SLC24A2: variants seen among roughly 807,000 people sequenced by gnomAD.
The protein encoded by SLC24A2 is solute carrier family 24 member 2.
A neutral mutation model predicts 62.0 loss-of-function variants in SLC24A2; 36 were observed. The observed-to-expected ratio is 0.58, with a 90% CI of 0.44 to 0.77. SLC24A2 has a LOEUF of 0.77. SLC24A2 is among the 30% of genes least tolerant of loss of function. The pLI is 0.00. For synonymous variants in SLC24A2, 358 were observed against 294.0 expected, an observed-to-expected ratio of 1.22 and a Z score of -2.23; for missense variants, 846 against 817.9, an observed-to-expected ratio of 1.03 and a Z score of -0.42.
rs75646581 is a variant in SLC24A2, at chr9:19,783,705, T to C, written c.930+2232A>G. On this transcript the variant is annotated intron_variant, in intron 2 of 10. Coordinates refer to ENST00000341998, the MANE Select transcript of SLC24A2 (RefSeq NM_020344.4). The stretch of plus-strand genomic sequence containing the variant: ...TTCCAGCAATAATTCAAAAGTGAAA[T>C]TGGCAAGTGGTATTTCCTAAAGGAA... Among the ~76,000 whole-genome samples the C allele has an allele frequency of 5.3e-5, 8 of 152,332 alleles. No homozygotes were observed. In the East Asian group the frequency reaches 1.3e-3, roughly 26 times the overall value.
intron 5 of SLC24A2, among the ~76,000 whole-genome samples, chr9:19,596,553 A>T (rs1836707047): frequency 6.6e-6 from 1 of 152,192 alleles, no homozygotes; most frequent in Non-Finnish European, 1.5e-5. Flanking sequence ...ATGTTCTGGG[A>T]CAGTGCCTGG....
intron 2 of SLC24A2, among the ~76,000 whole-genome samples, chr9:19,741,080 G>T (rs2118766016): frequency 6.6e-6 from 1 of 152,256 alleles, no homozygotes; most frequent in Admixed American, 6.5e-5. Context: ...CACCTAGAAT[G>T]CTGTCTCACC....
At chr9:19,568,113 T>C (rs1413267681) in intron 7 of SLC24A2, among the ~76,000 whole-genome samples, 1 of 152,160 alleles carries the variant, frequency 6.6e-6, no homozygotes, top group Non-Finnish European at 1.5e-5. Context: ...TAACGGAACT[T>C]GCTAAAAATA....
chr9:19,815,529 C>T, the SLC24A2 span, among the ~76,000 whole-genome samples: 1 of 151,922 alleles, frequency 6.6e-6, no homozygotes, highest in African/African-American at 2.4e-5. Context: ...CTTTTAAAAC[C>T]CCTTTTAAAT....
the SLC24A2 span, among the ~76,000 whole-genome samples, chr9:20,281,160 G>A: frequency 6.6e-6 from 1 of 152,084 alleles, no homozygotes; most frequent in East Asian, 1.9e-4. Flanking sequence ...GAACTCCTGG[G>A]CTCAAGCGAT....
chr9:20,229,325 A>G, the SLC24A2 span, among the ~76,000 whole-genome samples: 8 of 152,126 alleles, frequency 5.3e-5, no homozygotes, highest in Admixed American at 2.6e-4. Flanking sequence ...TCTTCTCTAT[A>G]TAAGGAAAGT....
At chr9:19,762,523 A>G (rs992387006) in intron 2 of SLC24A2, among the ~76,000 whole-genome samples, 3 of 152,204 alleles carry the variant, frequency 2.0e-5, no homozygotes, top group Non-Finnish European at 2.9e-5. Context: ...AGCTTTCTGC[A>G]TATGGCTAGC....
chr9:19,718,551 T>C (rs1201124617), intron 2 of SLC24A2, among the ~76,000 whole-genome samples: 2 of 150,302 alleles, frequency 1.3e-5, no homozygotes, highest in Non-Finnish European at 3.0e-5. Context: ...GCTCAAGCAA[T>C]TGGCCCGCCT....
At chr9:20,194,692 A>G in the SLC24A2 span, among the ~76,000 whole-genome samples, 1 of 152,152 alleles carries the variant, frequency 6.6e-6, no homozygotes, top group Non-Finnish European at 1.5e-5. Flanking sequence ...CATGTTGTCT[A>G]TCCCTGTCTC....
intron 2 of SLC24A2, among the ~76,000 whole-genome samples, chr9:19,761,055 G>A (rs577494069): frequency 2.0e-5 from 3 of 152,124 alleles, no homozygotes; most frequent in African/African-American, 7.2e-5. Context: ...TTAACTTAAA[G>A]TATAATAAAA....
At chr9:19,881,565 G>A in the SLC24A2 span, among the ~76,000 whole-genome samples, 1 of 152,146 alleles carries the variant, frequency 6.6e-6, no homozygotes. Flanking sequence ...CCCCCACTAT[G>A]ACAGCGCCTT....
chr9:19,546,895 T>G (rs1834605497), intron 8 of SLC24A2, among the ~76,000 whole-genome samples: 1 of 152,170 alleles, frequency 6.6e-6, no homozygotes, highest in African/African-American at 2.4e-5. Flanking sequence ...AGTGCACTGT[T>G]CCTCATGGCA....
At chr9:20,109,873 T>A in the SLC24A2 span, among the ~76,000 whole-genome samples, 1 of 152,158 alleles carries the variant, frequency 6.6e-6, no homozygotes, top group African/African-American at 2.4e-5. Flanking sequence ...TTCAGTCATA[T>A]GGGATGCCAC....
At chr9:20,087,814 A>G in the SLC24A2 span, among the ~76,000 whole-genome samples, 1 of 151,710 alleles carries the variant, frequency 6.6e-6, no homozygotes, top group African/African-American at 2.4e-5. Flanking sequence ...ATTCATCAAG[A>G]AAACAACCCA....
chr9:19,770,959 C>G (rs1222766072), intron 2 of SLC24A2, among the ~76,000 whole-genome samples: 1 of 152,146 alleles, frequency 6.6e-6, no homozygotes, highest in Non-Finnish European at 1.5e-5. Flanking sequence ...CTATTCAACT[C>G]CAGAAGATTC....
At chr9:20,173,445 CA>C in the SLC24A2 span, among the ~76,000 whole-genome samples, 1 of 152,024 alleles carries the variant, frequency 6.6e-6, no homozygotes, top group African/African-American at 2.4e-5. Flanking sequence ...AAGACTCCTC[CA>C]AAAAGCTCCT....
intron 2 of SLC24A2, among the ~76,000 whole-genome samples, chr9:19,747,794 C>A (rs540744234): frequency 6.6e-6 from 1 of 152,142 alleles, no homozygotes; most frequent in Non-Finnish European, 1.5e-5. Context: ...ACCACACACA[C>A]GAAGGCTAAC....
the SLC24A2 span, among the ~76,000 whole-genome samples, chr9:20,061,443 T>C: frequency 6.6e-6 from 1 of 152,016 alleles, no homozygotes; most frequent in Non-Finnish European, 1.5e-5. Context: ...TGTGCCACCA[T>C]GCCCAGCTAA....
chr9:20,123,196 T>C, the SLC24A2 span, among the ~76,000 whole-genome samples: 1 of 152,154 alleles, frequency 6.6e-6, no homozygotes, highest in Non-Finnish European at 1.5e-5. Flanking sequence ...CCTCACATAA[T>C]GGAAACTATA....
Sources: gnomAD v4.1 joint callset for allele counts (sites outside exome capture counted in the v4.1 genomes callset) on GRCh38, gnomAD v4.1.1 for gene constraint, MANE v1.5 for transcripts, NCBI Gene and HGNC (gene_info 2026-07-23, HGNC 2026-07-21) for gene names.